The following MAP4K3 variants were observed in gnomAD, a reference collection of about 807,000 sequenced individuals.
MAP4K3 encodes the protein mitogen-activated protein kinase kinase kinase kinase 3.
In MAP4K3, 94 loss-of-function variants were observed where a neutral mutation model predicts 143.5. The ratio of observed to expected loss-of-function variants is 0.65; its 90% CI spans 0.55 to 0.78. MAP4K3 has a LOEUF of 0.78. MAP4K3 is among the 30% of genes least tolerant of loss of function. The pLI is 0.00. For synonymous variants in MAP4K3, 416 were observed against 347.2 expected, an observed-to-expected ratio of 1.20 and a Z score of -2.20; for missense variants, 1,077 against 1,068.1, an observed-to-expected ratio of 1.01 and a Z score of -0.12.
At position 39,250,104 on chromosome 2, in the gene MAP4K3, T is replaced by C. The variant is rs549953760; in HGVS notation, c.*514A>G. On this transcript the variant is annotated 3_prime_UTR_variant, in exon 34 of 34. Transcript: ENST00000263881. ...AAAATGATTACAGCCTCCATTACAA[T>C]TTTAAAAGTTACAAGATTTATATTC... is the stretch of plus-strand genomic sequence containing the variant. 2.0e-5 allele frequency: 3 copies of C among 152,650 alleles called. No individual in the cohort carries two copies. Among genetic ancestry groups the C allele is most frequent in the Admixed American group, 2.0e-4 (3 of 15,280 alleles). 9.5% of individuals were successfully genotyped at this position (152,650 alleles called of 1,614,324 possible).
chr2:39,369,717 T>C (rs1239628587), intron 2 of MAP4K3, among the ~76,000 whole-genome samples: 1 of 152,238 alleles, frequency 6.6e-6, no homozygotes, highest in African/African-American at 2.4e-5. Flanking sequence ...TCACAGCTTC[T>C]ATGGAACCCA....
intron 1 of MAP4K3, among the ~76,000 whole-genome samples, chr2:39,396,519 G>A (rs1270864695): frequency 3.6e-5 from 5 of 140,080 alleles, no homozygotes; most frequent in African/African-American, 5.4e-5. Flanking sequence ...TCACTTTGTC[G>A]CCCAGGCTGG....
chr2:39,381,368 A>G (rs1229019042), intron 1 of MAP4K3, among the ~76,000 whole-genome samples: 10 of 152,190 alleles, frequency 6.6e-5, no homozygotes, highest in Non-Finnish European at 4.4e-5. Context: ...AGTTCTTCAC[A>G]TATATTCTGG....
intron 1 of MAP4K3, among the ~76,000 whole-genome samples, chr2:39,380,736 T>C (rs911884725): frequency 5.3e-5 from 8 of 152,156 alleles, no homozygotes; most frequent in African/African-American, 9.7e-5. Context: ...CAACACATCA[T>C]TGCTTTAAAG....
chr2:39,350,444 T>C (rs1025550805), intron 3 of MAP4K3, among the ~76,000 whole-genome samples: 4 of 152,176 alleles, frequency 2.6e-5, no homozygotes, highest in African/African-American at 4.8e-5. Flanking sequence ...AAATGTAAAA[T>C]ATTCCTAAAC....
chr2:39,416,230 C>A (rs1163425092), intron 1 of MAP4K3, among the ~76,000 whole-genome samples: 1 of 151,594 alleles, frequency 6.6e-6, no homozygotes, highest in East Asian at 1.9e-4. Context: ...AATAACTAAG[C>A]CTTCTACATG....
intron 3 of MAP4K3, among the ~76,000 whole-genome samples, chr2:39,347,841 T>G (rs578201839): frequency 1.3e-5 from 2 of 152,086 alleles, no homozygotes; most frequent in Non-Finnish European, 2.9e-5. Context: ...TGGTCATTAA[T>G]TATCTGATTA....
At chr2:39,396,378 C>A (rs1446386238) in intron 1 of MAP4K3, among the ~76,000 whole-genome samples, 1 of 151,994 alleles carries the variant, frequency 6.6e-6, no homozygotes. Context: ...ATTCCATAGT[C>A]CACTTAGGTA....
intron 2 of MAP4K3, among the ~76,000 whole-genome samples, chr2:39,364,104 G>A (rs765524659): frequency 6.6e-6 from 1 of 151,562 alleles, no homozygotes; most frequent in Non-Finnish European, 1.5e-5. Flanking sequence ...AAACAGTACA[G>A]AAGTTCCTCT....
At chr2:39,379,329 T>G (rs1666302320) in intron 1 of MAP4K3, among the ~76,000 whole-genome samples, 1 of 152,060 alleles carries the variant, frequency 6.6e-6, no homozygotes. Context: ...TAATAAAATT[T>G]GCAGGGAAAA....
At chr2:39,420,525 T>C (rs1391119473) in intron 1 of MAP4K3, among the ~76,000 whole-genome samples, 1 of 151,884 alleles carries the variant, frequency 6.6e-6, no homozygotes, top group Non-Finnish European at 1.5e-5. Context: ...CAAGTGATGT[T>C]CCTGCTTCAG....
Position 39,250,470 on chromosome 2 carries a change from A to C in MAP4K3, c.*148T>G, listed in dbSNP as rs534408166. 1.7e-5 allele frequency: 12 copies of C among 691,004 alleles called. No individual in the cohort carries two copies. In the East Asian group the frequency reaches 3.1e-4, roughly 18 times the overall value. 42.8% of individuals were successfully genotyped at this position (691,004 alleles called of 1,614,324 possible). A position where few individuals can be genotyped will look rare whatever the true frequency, so the allele number is the denominator to read the frequency against. ...AATATATCCATACCACTTAAAACAA[A>C]ATTTTCCCCATCTTATCTCATGCCA... On this transcript the variant is annotated 3_prime_UTR_variant, in exon 34 of 34. Transcript: ENST00000263881.
At chr2:39,395,884 G>A (rs2373534) in intron 1 of MAP4K3, among the ~76,000 whole-genome samples, 133,114 of 152,126 alleles carry the variant, frequency 0.88, 58,461 homozygotes, top group Non-Finnish European at 0.91. Context: ...TGCTTTATTT[G>A]AAGCCTGAAA....
At chr2:39,282,604 A>G in intron 21 of MAP4K3, 50 bp from the exon 22 acceptor site, 1 of 1,189,730 alleles carries the variant, frequency 8.4e-7, no homozygotes. Flanking sequence ...GCTGTTTGAT[A>G]TAATAATACT....
chr2:39,412,679 T>C (rs1364757041), intron 1 of MAP4K3, among the ~76,000 whole-genome samples: 1 of 152,156 alleles, frequency 6.6e-6, no homozygotes, highest in Admixed American at 6.5e-5. Context: ...ACTACTGCAA[T>C]AGTAGTTAAC....
At position 39,358,238 on chromosome 2, in the gene MAP4K3, T is replaced by C. The variant is rs556584734; in HGVS notation, c.155-1899A>G. On this transcript the variant is annotated intron_variant, in intron 2 of 33. Coordinates refer to ENST00000263881, the MANE Select transcript of MAP4K3 (RefSeq NM_003618.4). The stretch of plus-strand genomic sequence containing the variant: ...CTTTGTATTGAGCACTTTTATTATA[T>C]TACACTGATGTCTGCATGTCTTTGC... Among the ~76,000 whole-genome samples the C allele has an allele frequency of 3.3e-5, 5 of 152,302 alleles. No individual in the cohort carries two copies. In the South Asian group the frequency reaches 1.0e-3, roughly 32 times the overall value.
intron 26 of MAP4K3, among the ~76,000 whole-genome samples, chr2:39,271,668 T>C (rs1191406056): frequency 6.6e-6 from 1 of 152,226 alleles, no homozygotes; most frequent in Non-Finnish European, 1.5e-5. Flanking sequence ...CATAGCTCAC[T>C]GCAGTCTCAA....
chr2:39,272,145 T>C (rs918262008), intron 26 of MAP4K3, 138 bp downstream of exon 26: 5 of 583,228 alleles, frequency 8.6e-6, no homozygotes, highest in Non-Finnish European at 1.5e-5. Flanking sequence ...CACTAAGCAC[T>C]TGTTAATGTA....
At position 39,364,363 on chromosome 2, in the gene MAP4K3, A is replaced by C. The variant is rs185073217; in HGVS notation, c.155-8024T>G. Among the ~76,000 whole-genome samples, 573 of 152,376 alleles carry C rather than the reference A, an allele frequency of 3.8e-3. 3 individuals carry two copies. The highest frequency in any genetic ancestry group is 5.5e-3 in the Non-Finnish European group (372 of 68,042). The stretch of plus-strand genomic sequence containing the variant: ...GTTATAGTTAACAATACTGTACTAA[A>C]TATTTAAATTTGTTAAGAGAATAGG... On this transcript the variant is annotated intron_variant, in intron 2 of 33. Coordinates refer to ENST00000263881, the MANE Select transcript of MAP4K3 (RefSeq NM_003618.4).
Sources: allele counts gnomAD v4.1 joint callset (sites outside exome capture counted in the v4.1 genomes callset), GRCh38; gene constraint gnomAD v4.1.1; transcripts MANE v1.5; gene names NCBI Gene and HGNC (gene_info 2026-07-23, HGNC 2026-07-21).